TXNL1: variants seen among roughly 807,000 people sequenced by gnomAD.
TXNL1 encodes the protein thioredoxin-like protein 1.
Under a neutral mutation model 35.5 loss-of-function variants are expected in TXNL1, and 14 were observed. The ratio of observed to expected loss-of-function variants is 0.39; its 90% CI spans 0.26 to 0.62. The LOEUF is 0.62. Among genes scored for constraint, TXNL1 ranks in the 20% least tolerant of loss-of-function variants. TXNL1 has a pLI of 0.47. For missense variants in TXNL1, 263 were observed against 349.7 expected, an observed-to-expected ratio of 0.75 and a Z score of 1.98; for synonymous variants, 110 against 115.5, an observed-to-expected ratio of 0.95 and a Z score of 0.31.
At chr18:56,628,782 GTA>G (rs2024325961) in intron 1 of TXNL1, among the ~76,000 whole-genome samples, 1 of 152,156 alleles carries the variant, frequency 6.6e-6, no homozygotes, top group Non-Finnish European at 1.5e-5. Context: ...TGTGTGCCAT[GTA>G]TGTCTCAATA....
At chr18:56,629,515 T>C (rs1412889567) in intron 1 of TXNL1, among the ~76,000 whole-genome samples, 2 of 152,180 alleles carry the variant, frequency 1.3e-5, no homozygotes, top group South Asian at 2.1e-4. Context: ...TACTTTGCAG[T>C]GTTTAGGGGG....
At chr18:56,609,190 TG>T in intron 7 of TXNL1, 1 of 152,266 alleles carries the variant, frequency 6.6e-6, no homozygotes, top group Admixed American at 6.5e-5. Flanking sequence ...AAAGAGGTCC[TG>T]AGATCAAAAA....
chr18:56,614,616 A>C lies in TXNL1; in HGVS notation c.563-20T>G. The C allele has an allele frequency of 6.3e-7, 1 of 1,594,218 alleles. No individual in the cohort carries two copies. Among genetic ancestry groups the C allele is most frequent in the Non-Finnish European group, 8.5e-7 (1 of 1,172,360 alleles). ...CCTGACCTATACAATGGTAGAATAAAATAAAATGTTTAAAAACCTCAAATA... is the reference window on the plus strand; with the variant it reads ...CCTGACCTATACAATGGTAGAATAACATAAAATGTTTAAAAACCTCAAATA... On this transcript the variant is annotated intron_variant, in intron 5 of 7. Coordinates refer to ENST00000217515, the MANE Select transcript of TXNL1 (RefSeq NM_004786.3).
Position 56,626,797 on chromosome 18 carries a change from C to CTTTTTTTTTTTTTTTTTTTTTTT in TXNL1, c.99-363_99-341dup, listed in dbSNP as rs386387792. Among the ~76,000 whole-genome samples the CTTTTTTTTTTTTTTTTTTTTTTT allele has an allele frequency of 1.5e-4, 8 of 55,008 alleles. 2 individuals carry two copies. The highest frequency in any genetic ancestry group is 6.2e-4 in the Admixed American group (2 of 3,232). The allele number at this position is 55,008 out of a possible 152,430, so 36.1% of individuals were successfully genotyped here. A position where few individuals can be genotyped will look rare whatever the true frequency, so the allele number is the denominator to read the frequency against. ...TACAGGCGTGAGCCACCAAGCCGGTCTTTTTTTTTTTTTTTTTTTTTTTTG... is the reference window on the plus strand; with the variant it reads ...TACAGGCGTGAGCCACCAAGCCGGTCTTTTTTTTTTTTTTTTTTTTTTTTTTTTTTTTTTTTTTTTTTTTTTTG... On this transcript the variant is annotated intron_variant, in intron 1 of 7. Coordinates refer to ENST00000217515, the MANE Select transcript of TXNL1 (RefSeq NM_004786.3).
intron 1 of TXNL1, among the ~76,000 whole-genome samples, chr18:56,632,697 A>T (rs543599890): frequency 6.6e-6 from 1 of 152,238 alleles, no homozygotes. Context: ...AAACTGATCT[A>T]TAGTGTTAGA....
At chr18:56,615,045 T>C (rs1318135200) in intron 5 of TXNL1, among the ~76,000 whole-genome samples, 2 of 152,200 alleles carry the variant, frequency 1.3e-5, no homozygotes, top group Non-Finnish European at 2.9e-5. Context: ...CATTCAGTTA[T>C]TTAGGAGGAG....
intron 1 of TXNL1, among the ~76,000 whole-genome samples, chr18:56,627,857 TAA>T (rs34347766): frequency 1.5e-3 from 206 of 138,098 alleles, no homozygotes; most frequent in African/African-American, 4.2e-3. Flanking sequence ...CAAGAAGTAC[TAA>T]AAAAAAAAAA....
chr18:56,619,081 G>A (rs551113313), intron 3 of TXNL1, among the ~76,000 whole-genome samples: 13 of 151,996 alleles, frequency 8.6e-5, no homozygotes, highest in South Asian at 2.1e-4. Context: ...GGGTGCAGTG[G>A]CATGTGCCTT....
intron 1 of TXNL1, among the ~76,000 whole-genome samples, chr18:56,630,818 T>C (rs576821094): frequency 3.9e-5 from 6 of 152,126 alleles, no homozygotes; most frequent in South Asian, 2.1e-4. Flanking sequence ...CATAAATATA[T>C]ACAAACTCAC....
Position 56,603,060 on chromosome 18 carries a change from GA to G in TXNL1, c.841-5del. 1.9e-6 allele frequency: 3 copies of G among 1,611,942 alleles called. No homozygotes were observed. The highest frequency in any genetic ancestry group is 8.5e-7 in the Non-Finnish European group (1 of 1,178,576). On this transcript the variant is annotated splice_region_variant and splice_polypyrimidine_tract_variant and intron_variant, in intron 7 of 7. Coordinates refer to ENST00000217515, the MANE Select transcript of TXNL1 (RefSeq NM_004786.3). ...TTTCTCCTTTTTTGCCAACTACCTA[GA>G]AAAACAAAAATAAGTTTATATGTAC...
chr18:56,621,298 T>C (rs2024179416), intron 3 of TXNL1, among the ~76,000 whole-genome samples: 1 of 151,738 alleles, frequency 6.6e-6, no homozygotes, highest in South Asian at 2.1e-4. Context: ...CTCCGCCTCC[T>C]GCAATTCTGC....
chr18:56,608,406 T>A (rs563701181), intron 7 of TXNL1: 1 of 152,046 alleles, frequency 6.6e-6, no homozygotes, highest in East Asian at 1.9e-4. Context: ...TACAAGAAAA[T>A]GCAATATTAA....
At chr18:56,610,898 T>C (rs1031760790) in intron 7 of TXNL1, 95 bp downstream of exon 7, 11 of 804,504 alleles carry the variant, frequency 1.4e-5, no homozygotes, top group Non-Finnish European at 1.7e-5. Context: ...TTTTGAATTA[T>C]TTTGTTAAAA....
At chr18:56,637,777 A>T (rs917339085) in intron 1 of TXNL1, among the ~76,000 whole-genome samples, 12 of 152,206 alleles carry the variant, frequency 7.9e-5, no homozygotes. Flanking sequence ...GGAAGAAAAA[A>T]GTTCAAATAA....
At position 56,614,329 on chromosome 18, in the gene TXNL1, C is replaced by A; in HGVS notation, c.735+95G>T. 6 of 1,095,968 alleles carry A rather than the reference C, an allele frequency of 5.5e-6. No individual in the cohort carries two copies. In the South Asian group the frequency reaches 8.7e-5, roughly 16 times the overall value. The allele number at this position is 1,095,968 out of a possible 1,614,324, so 67.9% of individuals were successfully genotyped here. A position where few individuals can be genotyped will look rare whatever the true frequency, so the allele number is the denominator to read the frequency against. ...TCATTTCAAACTGAGTGAATAAATACCACTTTAAAGAATCACTTAGACTTA... is the reference window on the plus strand; with the variant it reads ...TCATTTCAAACTGAGTGAATAAATAACACTTTAAAGAATCACTTAGACTTA... On this transcript the variant is annotated intron_variant, in intron 6 of 7. Coordinates refer to ENST00000217515, the MANE Select transcript of TXNL1 (RefSeq NM_004786.3).
intron 1 of TXNL1, among the ~76,000 whole-genome samples, chr18:56,636,189 A>G (rs1276342236): frequency 6.6e-6 from 1 of 152,152 alleles, no homozygotes; most frequent in Non-Finnish European, 1.5e-5. Context: ...CATTTTAGTA[A>G]AATTTAGACT....
In TXNL1 at chr18:56,602,859, G is replaced by A; in HGVS notation, c.*168C>T. 1.4e-6 allele frequency: 1 copy of A among 734,662 alleles called. No homozygotes were observed. Among genetic ancestry groups the A allele is most frequent in the Non-Finnish European group, 2.3e-6 (1 of 440,714 alleles). 45.5% of individuals were successfully genotyped at this position (734,662 alleles called of 1,614,324 possible). A position where few individuals can be genotyped will look rare whatever the true frequency, so the allele number is the denominator to read the frequency against. The stretch of plus-strand genomic sequence containing the variant: ...AAAGTGGTGACTTTTATTTACAATT[G>A]CATGTGTCAAGATTACAATGGAAAC... On this transcript the variant is annotated 3_prime_UTR_variant, in exon 8 of 8. Coordinates refer to ENST00000217515, the MANE Select transcript of TXNL1 (RefSeq NM_004786.3).
chr18:56,618,843 CT>C (rs2024132875), intron 3 of TXNL1, among the ~76,000 whole-genome samples: 1 of 152,016 alleles, frequency 6.6e-6, no homozygotes, highest in African/African-American at 2.4e-5. Context: ...CCTCCACTGT[CT>C]CATAAATATT....
intron 6 of TXNL1, among the ~76,000 whole-genome samples, 159 bp from the exon 7 acceptor site, chr18:56,611,256 T>C (rs556046034): frequency 6.6e-6 from 1 of 152,218 alleles, no homozygotes; most frequent in Non-Finnish European, 1.5e-5. Flanking sequence ...TCCCAGCACT[T>C]TGGGAGGCTG....
Sources: allele counts gnomAD v4.1 joint callset (sites outside exome capture counted in the v4.1 genomes callset), GRCh38; gene constraint gnomAD v4.1.1; transcripts MANE v1.5; gene names NCBI Gene and HGNC (gene_info 2026-07-23, HGNC 2026-07-21).